The following RINL variants were observed in gnomAD, a reference collection of about 807,000 sequenced individuals.
The protein encoded by RINL is Ras and Rab interactor like, also known as ras and Rab interactor-like protein.
In RINL, 39 loss-of-function variants were observed where a neutral mutation model predicts 58.1. The ratio of observed to expected loss-of-function variants is 0.67; its 90% confidence interval spans 0.52 to 0.88. RINL has a LOEUF of 0.88. Ranked by LOEUF, RINL falls within the 40% of genes least tolerant of loss-of-function variation. The pLI is 0.00. For missense variants in RINL, 711 were observed against 749.2 expected, an observed-to-expected ratio of 0.95 and a Z score of 0.60; for synonymous variants, 286 against 323.1, an observed-to-expected ratio of 0.89 and a Z score of 1.23.
chr19:38,869,156 G>A lies in RINL; in HGVS notation c.1649C>T (p.Pro550Leu). Residue 550 changes from proline to leucine, a missense_variant, in exon 12 of 12, where the codon CCC becomes CTC. Physicochemically the swap from Pro to Leu is moderately conservative, Grantham distance 98. Transcript: ENST00000591812. This position sits in a 1 kb window ranked among gnomAD's most constrained non-coding sequence, Gnocchi z 5.7. ...KDHPRAQANLPFKEPWAEETV... is the reference protein window; with the variant it reads ...KDHPRAQANLLFKEPWAEETV... ...CTCTTCTGCCCATGGCTCCTTAAAG[G>A]GCAGGTTGGCCTGTGGGGAGAGGTG... 1.9e-6 allele frequency: 3 copies of A among 1,613,980 alleles called. No homozygotes were observed. Among genetic ancestry groups the A allele is most frequent in the South Asian group, 2.2e-5 (2 of 91,078 alleles).
At chr19:38,874,413 C>T (rs922978628) in intron 3 of RINL, among the ~76,000 whole-genome samples, 4 of 152,152 alleles carry the variant, frequency 2.6e-5, no homozygotes, top group Admixed American at 6.6e-5. Context: ...GCTGGGATTA[C>T]GGGCGACTGC....
At chr19:38,874,203 G>A (rs992342612) in intron 3 of RINL, among the ~76,000 whole-genome samples, 3 of 152,158 alleles carry the variant, frequency 2.0e-5, no homozygotes, top group Admixed American at 1.3e-4. Flanking sequence ...CAGGATGAGG[G>A]TGCTCTCGGC....
At chr19:38,876,193 A>G (rs979542051) in intron 3 of RINL, 138 bp downstream of exon 3, 6 of 779,580 alleles carry the variant, frequency 7.7e-6, no homozygotes, top group Non-Finnish European at 1.0e-5. Context: ...ATGAGTAGCT[A>G]GGACTGCAGG....
chr19:38,873,097 T>C (rs1415204314), intron 4 of RINL, among the ~76,000 whole-genome samples: 1 of 151,986 alleles, frequency 6.6e-6, no homozygotes, highest in Non-Finnish European at 1.5e-5. Flanking sequence ...GTGACCAAGG[T>C]GCCATCTTTT....
chr19:38,869,211 A>G lies in RINL; in HGVS notation c.1638+36T>C, dbSNP rs776598099. On this transcript the variant is annotated intron_variant, in intron 11 of 11. Coordinates refer to ENST00000591812, the MANE Select transcript of RINL (RefSeq NM_001195833.2). This position sits in a 1 kb window ranked among gnomAD's most constrained non-coding sequence, Gnocchi z 5.7. ...CTGGGTCAGAAGGGCACCAGGTCTC[A>G]CCCTCCCTTCTACTTGCAGCCAGAT... 14 of 1,613,520 alleles carry G rather than the reference A, an allele frequency of 8.7e-6. No homozygotes were observed. The South Asian group carries it at 1.5e-4, about 18-fold the overall frequency.
In RINL at chr19:38,868,899, C is replaced by A. The variant is rs1170234464; in HGVS notation, c.*205G>T. ...GTGAGGCTTTCTCTGATACGCCTGTCTAAAACTGCAAAGCCTCCTGAGTAG... is the reference window on the plus strand; with the variant it reads ...GTGAGGCTTTCTCTGATACGCCTGTATAAAACTGCAAAGCCTCCTGAGTAG... On this transcript the variant is annotated 3_prime_UTR_variant, in exon 12 of 12. Coordinates refer to ENST00000591812, the MANE Select transcript of RINL (RefSeq NM_001195833.2). 9.4e-6 allele frequency: 5 copies of A among 532,594 alleles called. No homozygotes were observed. The African/African-American group carries it at 9.5e-5, about 10-fold the overall frequency. 33.0% of individuals were successfully genotyped at this position (532,594 alleles called of 1,614,324 possible). A position where few individuals can be genotyped will look rare whatever the true frequency, so the allele number is the denominator to read the frequency against.
chr19:38,873,745 C>T, intron 4 of RINL, 141 bp downstream of exon 4: 2 of 553,300 alleles, frequency 3.6e-6, no homozygotes, highest in Non-Finnish European at 6.5e-6. Flanking sequence ...AGGCTGGTCT[C>T]AAAATCCTGG....
At position 38,869,702 on chromosome 19, in the gene RINL, G is replaced by T. The variant is rs756612255; in HGVS notation, c.1345C>A (p.Pro449Thr). The T allele has an allele frequency of 1.9e-6, 3 of 1,613,666 alleles. No individual in the cohort carries two copies. The highest frequency in any genetic ancestry group is 2.2e-5 in the East Asian group (1 of 44,852). The change falls in exon 10 of 12, where the codon CCC becomes ACC. Residue 449 changes from proline (P) to threonine (T), a missense_variant and splice_region_variant. By Grantham distance (38) the Pro-to-Thr change is conservative. Transcript: ENST00000591812. The surrounding 1 kb of genome is among the most constrained non-coding windows in gnomAD (Gnocchi z 5.7). ...GGCAGGAAGGCGTCGGCCCCCAGGG[G>T]ATCTGGGAAAACCAGAGGAAAGGTC... Reference protein sequence around the residue: ...AGLARGENQDPLGADAFLPAL... With the variant: ...AGLARGENQDTLGADAFLPAL...
chr19:38,871,828 G>A lies in RINL; in HGVS notation c.356C>T (p.Pro119Leu). ...ESSNLCMPDL[P>L]HLLAFLSASR... Reference sequence around the variant, plus strand: ...GGCTGATAGAAAGGCCAGGAGATGGGGCAGGTCTGGCATGCAGAGGTTGGA... The same window carrying A: ...GGCTGATAGAAAGGCCAGGAGATGGAGCAGGTCTGGCATGCAGAGGTTGGA... Residue 119 changes from proline to leucine, a missense_variant, in exon 5 of 12, where the codon CCC becomes CTC. By Grantham distance (98) the Pro-to-Leu change is moderately conservative. Coordinates refer to ENST00000591812, the MANE Select transcript of RINL (RefSeq NM_001195833.2). The A allele has an allele frequency of 6.2e-7, 1 of 1,614,110 alleles. No individual in the cohort carries two copies. The highest frequency in any genetic ancestry group is 8.5e-7 in the Non-Finnish European group (1 of 1,179,970).
At chr19:38,875,599 C>G (rs1007790843) in intron 3 of RINL, among the ~76,000 whole-genome samples, 2 of 151,772 alleles carry the variant, frequency 1.3e-5, no homozygotes, top group Admixed American at 1.3e-4. Flanking sequence ...ATCGCTTGAA[C>G]CTGGGAGGCG....
rs1317084745 is a variant in RINL at position 38,870,494 on chromosome 19, A to G, written c.1024+76T>C. 28 of 1,448,046 alleles carry G rather than the reference A, an allele frequency of 1.9e-5. No homozygotes were observed. The highest frequency in any genetic ancestry group is 2.5e-5 in the Non-Finnish European group (27 of 1,090,712). 89.7% of individuals were successfully genotyped at this position (1,448,046 alleles called of 1,614,324 possible). A position where few individuals can be genotyped will look rare whatever the true frequency, so the allele number is the denominator to read the frequency against. On this transcript the variant is annotated intron_variant, in intron 8 of 11. Coordinates refer to ENST00000591812, the MANE Select transcript of RINL (RefSeq NM_001195833.2). This position sits in a 1 kb window ranked among gnomAD's most constrained non-coding sequence, Gnocchi z 5.8. ...GGAAGGGCGTGTGGGTGCAGAAGGA[A>G]ACGTGTGCGCACCGATGGAGAGGAC...
At chr19:38,871,589 C>G in intron 6 of RINL, 58 bp downstream of exon 6, 1 of 1,521,214 alleles carries the variant, frequency 6.6e-7, no homozygotes. Context: ...CCATTCATTC[C>G]CTTGGAGCAA....
chr19:38,875,331 G>A (rs906217494), intron 3 of RINL, among the ~76,000 whole-genome samples: 8 of 150,644 alleles, frequency 5.3e-5, no homozygotes, highest in African/African-American at 2.0e-4. Context: ...GATTACAGGC[G>A]TGAGTCAGCA....
rs756817515 is a variant in RINL at position 38,870,785 on chromosome 19, C to T, written c.809G>A (p.Arg270Gln). Residue 270 changes from arginine to glutamine, a missense_variant, in exon 8 of 12, where the codon CGG becomes CAG. By Grantham distance (43) the Arg-to-Gln change is conservative (BLOSUM62 1). Transcript: ENST00000591812. This position sits in a 1 kb window ranked among gnomAD's most constrained non-coding sequence, Gnocchi z 5.8. ...GTACTGCCTGGCCACGTAGCTGCTC[C>T]GGGCCCTGACCAGAGACTGGACGTG... The part of the protein sequence containing the change: ...TIHVQSLVRA[R>Q]SSYVARQYRS... 3.7e-6 allele frequency: 6 copies of T among 1,612,612 alleles called. No homozygotes were observed. The highest frequency in any genetic ancestry group is 1.3e-5 in the African/African-American group (1 of 74,944).
chr19:38,878,063 G>A (rs1036377708), intron 1 of RINL, among the ~76,000 whole-genome samples, 169 bp downstream of exon 1: 30 of 152,192 alleles, frequency 2.0e-4, no homozygotes, highest in African/African-American at 6.8e-4. Context: ...GAGCAGGAAG[G>A]AAGGGAGGGG....
Position 38,869,525 on chromosome 19 carries a change from G to A in RINL, c.1474+48C>T, listed in dbSNP as rs1972750581. 6.2e-7 allele frequency: 1 copy of A among 1,604,310 alleles called. No individual in the cohort carries two copies. Among genetic ancestry groups the A allele is most frequent in the South Asian group, 1.1e-5 (1 of 90,592 alleles). ...GCGGGGGGAGGCTGTTTGGGATCCC[G>A]GAGGTACTGGATCGCTGGGCTCCAG... On this transcript the variant is annotated intron_variant, in intron 10 of 11. Transcript: ENST00000591812. This position sits in a 1 kb window ranked among gnomAD's most constrained non-coding sequence, Gnocchi z 5.7.
chr19:38,871,679 G>A lies in RINL; in HGVS notation c.419C>T (p.Pro140Leu). ...DVLPRTLLLPPPTLGPRDEHT... is the reference protein window; with the variant it reads ...DVLPRTLLLPLPTLGPRDEHT... The stretch of plus-strand genomic sequence containing the variant: ...TTCATCTCTGGGCCCTAGAGTGGGA[G>A]GGGGCAAGAGCAGGGTTCTGGGCAG... The change falls in exon 6 of 12, where the codon CCT becomes CTT. Residue 140 changes from proline to leucine, a missense_variant. By Grantham distance (98) the Pro-to-Leu change is moderately conservative (BLOSUM62 -3). Transcript: ENST00000591812. 1 of 1,614,098 alleles carries A rather than the reference G, an allele frequency of 6.2e-7. No individual in the cohort carries two copies. Among genetic ancestry groups the A allele is most frequent in the South Asian group, 1.1e-5 (1 of 91,076 alleles).
At chr19:38,873,849 TTGAC>T (rs1370370275) in intron 4 of RINL, 33 bp downstream of exon 4, 2 of 1,284,750 alleles carry the variant, frequency 1.6e-6, no homozygotes, top group East Asian at 5.0e-5. Flanking sequence ...TAGTGATCAA[TTGAC>T]TGTGGGCTGG....
chr19:38,876,790 G>A lies in RINL; in HGVS notation c.-39-9C>T. The A allele has an allele frequency of 3.4e-6, 5 of 1,481,164 alleles. No individual in the cohort carries two copies. In the South Asian group the frequency reaches 3.6e-5, roughly 11 times the overall value. 91.8% of individuals were successfully genotyped at this position (1,481,164 alleles called of 1,614,324 possible). ...GAGTCATGACCTGGCCTCTGGCAGG[G>A]AGAAAGGTAAGACTCAAAGCTGCTC... On this transcript the variant is annotated splice_polypyrimidine_tract_variant and intron_variant, in intron 1 of 11. Coordinates refer to ENST00000591812, the MANE Select transcript of RINL (RefSeq NM_001195833.2).
Sources: gnomAD v4.1 joint callset for allele counts (sites outside exome capture counted in the v4.1 genomes callset) on GRCh38, gnomAD v4.1.1 for gene constraint, Gnocchi (gnomAD v3.1) non-coding constraint, MANE v1.5 for transcripts, NCBI Gene and HGNC (gene_info 2026-07-23, HGNC 2026-07-21) for gene names.